The following IQCE variants were observed in gnomAD, a reference collection of about 807,000 sequenced individuals.
The protein encoded by IQCE is IQ motif containing E, also known as IQ domain-containing protein E.
IQCE carries 115 observed loss-of-function variants against 96.0 expected under a neutral mutation model. That is an observed-to-expected ratio of 1.20 (90% CI 1.03 to 1.40). The LOEUF (loss-of-function observed/expected upper bound fraction) is 1.40, where lower values mean the gene tolerates loss of function less well. Among genes scored for constraint, IQCE ranks in the 40% most tolerant of loss-of-function variants. IQCE has a pLI of 0.00. For synonymous variants in IQCE, 412 were observed against 371.2 expected (o/e 1.11, Z -1.26); for missense variants, 1,041 against 909.1 (o/e 1.15, Z -1.87).
At chr7:2,591,025 G>A (rs1783542227) in intron 14 of IQCE, among the ~76,000 whole-genome samples, 2 of 152,172 alleles carry the variant, frequency 1.3e-5, no homozygotes, top group Non-Finnish European at 2.9e-5. Flanking sequence ...GGCCAAGGTG[G>A]CAGGATTGCC....
At chr7:2,573,607 G>A in intron 6 of IQCE, 119 bp downstream of exon 6, 1 of 586,198 alleles carries the variant, frequency 1.7e-6, no homozygotes, top group Non-Finnish European at 3.1e-6. Flanking sequence ...GAGCGTTAGG[G>A]TCGAACCTGA....
In IQCE at chr7:2,598,547, C is replaced by T. The variant is rs751600299; in HGVS notation, c.1523C>T (p.Pro508Leu). Residue 508 changes from proline (P) to leucine (L), a missense_variant, in exon 17 of 22, where the codon CCG becomes CTG. Pro to Leu is a moderately conservative substitution (Grantham distance 98, BLOSUM62 -3). Coordinates refer to ENST00000402050, the MANE Select transcript of IQCE (RefSeq NM_152558.5). ...CCGGATTCCAGCGAGGAGGGGCTCCCGCGGCCCCGCTCCCCCTGCTCTGAT... is the reference window on the plus strand; with the variant it reads ...CCGGATTCCAGCGAGGAGGGGCTCCTGCGGCCCCGCTCCCCCTGCTCTGAT... ...WPPDSSEEGLPRPRSPCSDGR... is the reference protein window; with the variant it reads ...WPPDSSEEGLLRPRSPCSDGR... 1.3e-5 allele frequency: 21 copies of T among 1,610,888 alleles called. No homozygotes were observed. Among genetic ancestry groups the T allele is most frequent in the South Asian group, 1.1e-4 (10 of 90,674 alleles).
chr7:2,579,733 GT>G (rs1562640422), intron 8 of IQCE, among the ~76,000 whole-genome samples: 1 of 142,234 alleles, frequency 7.0e-6, no homozygotes, highest in African/African-American at 2.6e-5. Flanking sequence ...GTGTGTGTGT[GT>G]GTGTCTGTGG....
At chr7:2,561,458 T>C (rs1304583604) in intron 1 of IQCE, among the ~76,000 whole-genome samples, 2 of 150,902 alleles carry the variant, frequency 1.3e-5, no homozygotes, top group African/African-American at 2.4e-5. Flanking sequence ...TCTTGCTCTG[T>C]TGCCCAGGCT....
chr7:2,608,662 C>T (rs1784983017), intron 21 of IQCE, among the ~76,000 whole-genome samples: 1 of 152,212 alleles, frequency 6.6e-6, no homozygotes, highest in African/African-American at 2.4e-5. Context: ...CTTCGCCAGA[C>T]CCTGCCTTTG....
At chr7:2,565,198 G>A (rs1781279628) in intron 1 of IQCE, among the ~76,000 whole-genome samples, 1 of 150,260 alleles carries the variant, frequency 6.7e-6, no homozygotes, top group Non-Finnish European at 1.5e-5. Flanking sequence ...TGGATCCTTG[G>A]ACTGTTGTGT....
At chr7:2,589,412 T>G (rs1783397767) in intron 13 of IQCE, among the ~76,000 whole-genome samples, 1 of 151,900 alleles carries the variant, frequency 6.6e-6, no homozygotes, top group African/African-American at 2.4e-5. Flanking sequence ...AATATAGAAC[T>G]TGTTGGGAAG....
intron 14 of IQCE, among the ~76,000 whole-genome samples, chr7:2,592,700 A>T (rs928746295): frequency 1.6e-4 from 25 of 152,346 alleles, no homozygotes; most frequent in African/African-American, 5.1e-4. Context: ...TGCCTGCAGC[A>T]CCCTCACACG....
rs184854581 is a variant in IQCE at position 2,589,041 on chromosome 7, C to T, written c.1045-866C>T. The stretch of plus-strand genomic sequence containing the variant: ...AGCAAAATAAACCTAGAGGGAAAAA[C>T]GTTTTTAAAAAATAGTTTTTTACAT... On this transcript the variant is annotated intron_variant, in intron 13 of 21. Coordinates refer to ENST00000402050, the MANE Select transcript of IQCE (RefSeq NM_152558.5). Among the ~76,000 whole-genome samples, 374 of 152,182 alleles carry T rather than the reference C, an allele frequency of 2.5e-3. 1 individual carries two copies. Among genetic ancestry groups the T allele is most frequent in the Non-Finnish European group, 3.8e-3 (260 of 68,008 alleles).
chr7:2,561,613 G>A (rs949335139), intron 1 of IQCE, among the ~76,000 whole-genome samples: 5 of 151,702 alleles, frequency 3.3e-5, no homozygotes, highest in Admixed American at 3.3e-4. Flanking sequence ...GGTAGACACG[G>A]GGTTTCACCT....
chr7:2,583,252 T>G (rs1782817872), intron 9 of IQCE, among the ~76,000 whole-genome samples: 1 of 152,214 alleles, frequency 6.6e-6, no homozygotes, highest in Non-Finnish European at 1.5e-5. Context: ...CAGGGAAAAG[T>G]GATTCTCTCT....
Position 2,584,288 on chromosome 7 carries a change from A to T in IQCE, c.824+3A>T, listed in dbSNP as rs755300890. 8.7e-6 allele frequency: 14 copies of T among 1,613,844 alleles called. No individual in the cohort carries two copies. The highest frequency in any genetic ancestry group is 1.2e-5 in the Non-Finnish European group (14 of 1,179,696). ...AGTTCTGAAACCACCGGAAAGAAGT[A>T]TGATGGCCGCTTGCAAGCTGTGTTT... On this transcript the variant is annotated splice_donor_region_variant and intron_variant, in intron 11 of 21. Coordinates refer to ENST00000402050, the MANE Select transcript of IQCE (RefSeq NM_152558.5).
rs779779283 is a variant in IQCE at position 2,567,150 on chromosome 7, C to G, written c.71C>G (p.Ser24Cys). 3 of 1,613,772 alleles carry G rather than the reference C, an allele frequency of 1.9e-6. No homozygotes were observed. Among genetic ancestry groups the G allele is most frequent in the African/African-American group, 2.7e-5 (2 of 74,930 alleles). The change falls in exon 2 of 22, where the codon TCT (serine) becomes TGT (cysteine). Residue 24 changes from serine to cysteine, a missense_variant. Coordinates refer to ENST00000402050, the MANE Select transcript of IQCE (RefSeq NM_152558.5). ...DDSLSAVTFD[S>C]DVETKAKRKA... ...AGTCTGTCTGCAGTCACCTTTGACTCTGATGTGGAGACGGTGAGTGCCGCT... is the reference window on the plus strand; with the variant it reads ...AGTCTGTCTGCAGTCACCTTTGACTGTGATGTGGAGACGGTGAGTGCCGCT...
chr7:2,605,066 C>A, intron 19 of IQCE, 75 bp downstream of exon 19: 2 of 1,055,556 alleles, frequency 1.9e-6, no homozygotes, highest in Non-Finnish European at 1.4e-6. Flanking sequence ...ATCGAGAAAG[C>A]GTAGGGCACC....
In IQCE at chr7:2,583,713, C is replaced by G; in HGVS notation, c.774+4C>G. 4.0e-6 allele frequency: 6 copies of G among 1,492,528 alleles called. No individual in the cohort carries two copies. The highest frequency in any genetic ancestry group is 5.4e-6 in the Non-Finnish European group (6 of 1,108,546). The allele number at this position is 1,492,528 out of a possible 1,614,324, so 92.5% of individuals were successfully genotyped here. A position where few individuals can be genotyped will look rare whatever the true frequency, so the allele number is the denominator to read the frequency against. ...CATGGAGACATACTACGAGGAGGTG[C>G]GCCGTGCTGGGCGGCGGAGCGGAGG... On this transcript the variant is annotated splice_donor_region_variant and intron_variant, in intron 10 of 21. Coordinates refer to ENST00000402050, the MANE Select transcript of IQCE (RefSeq NM_152558.5).
chr7:2,582,539 G>A (rs1782756618), intron 8 of IQCE, 41 bp from the exon 9 acceptor site: 1 of 1,578,466 alleles, frequency 6.3e-7, no homozygotes, highest in Non-Finnish European at 8.7e-7. Context: ...TACTGAGGGA[G>A]AGAGGGCGTG....
At chr7:2,567,237 T>TA (rs1424693359) in intron 2 of IQCE, 74 bp downstream of exon 2, 1 of 1,136,616 alleles carries the variant, frequency 8.8e-7, no homozygotes, top group South Asian at 1.2e-5. Flanking sequence ...CTCGGAAGCG[T>TA]AAAATAGGCC....
At chr7:2,579,569 A>C (rs1481563059) in intron 8 of IQCE, among the ~76,000 whole-genome samples, 2 of 152,218 alleles carry the variant, frequency 1.3e-5, no homozygotes. Flanking sequence ...TTGTATAATC[A>C]TTACATGTTT....
chr7:2,593,007 T>G lies in IQCE; in HGVS notation c.1245-15T>G. On this transcript the variant is annotated splice_polypyrimidine_tract_variant and intron_variant, in intron 14 of 21. Transcript: ENST00000402050. ...TTTTTGTGAACGCTGACGAGTCTCC[T>G]ATTCTTGTGTGCAGTTTGGAGGTGA... 6.3e-7 allele frequency: 1 copy of G among 1,588,616 alleles called. No individual in the cohort carries two copies. The highest frequency in any genetic ancestry group is 8.6e-7 in the Non-Finnish European group (1 of 1,162,432).
Sources: allele counts gnomAD v4.1 joint callset (sites outside exome capture counted in the v4.1 genomes callset), GRCh38; gene constraint gnomAD v4.1.1; transcripts MANE v1.5; gene names NCBI Gene and HGNC (gene_info 2026-07-23, HGNC 2026-07-21).